Variants in ALK observed in about 807,000 individuals in gnomAD.
ALK encodes the protein ALK tyrosine kinase receptor.
ALK carries 74 observed loss-of-function variants against 163.1 expected under a neutral mutation model. The observed-to-expected ratio is 0.45, with a 90% confidence interval of 0.38 to 0.55. The LOEUF (loss-of-function observed/expected upper bound fraction) is 0.55. ALK is among the 20% of genes least tolerant of loss of function. The pLI is 0.00. For synonymous variants in ALK, 960 were observed against 843.2 expected, an observed-to-expected ratio of 1.14 and a Z score of -2.40; for missense variants, 2,063 against 2,105.3, an observed-to-expected ratio of 0.98 and a Z score of 0.39.
intron 1 of ALK, among the ~76,000 whole-genome samples, chr2:29,755,962 G>A (rs1489360679): frequency 1.3e-5 from 2 of 152,172 alleles, no homozygotes; most frequent in Non-Finnish European, 2.9e-5. Context: ...TACATGCAAG[G>A]AGGCTGCCGT....
At chr2:29,480,575 G>A (rs1406466652) in intron 4 of ALK, among the ~76,000 whole-genome samples, 1 of 151,822 alleles carries the variant, frequency 6.6e-6, no homozygotes, top group East Asian at 1.9e-4. Flanking sequence ...GCTTTTTATT[G>A]CCCCGTTGCC....
chr2:29,725,050 C>A (rs946332376), intron 1 of ALK, among the ~76,000 whole-genome samples: 1 of 151,114 alleles, frequency 6.6e-6, no homozygotes, highest in African/African-American at 2.4e-5. Context: ...CCAATGAAAG[C>A]ATGTACCCCT....
At chr2:29,646,941 T>G (rs781209408) in intron 3 of ALK, among the ~76,000 whole-genome samples, 7 of 152,194 alleles carry the variant, frequency 4.6e-5, no homozygotes, top group African/African-American at 1.7e-4. Context: ...TTGATGTTGA[T>G]TGGGTTCACT....
chr2:29,593,267 AAAAG>A (rs1241932480), intron 3 of ALK, among the ~76,000 whole-genome samples: 2 of 152,216 alleles, frequency 1.3e-5, no homozygotes, highest in African/African-American at 2.4e-5. Context: ...AGGAGGTCAG[AAAAG>A]TCCCAGAAGA....
rs79483873 is a variant in ALK at position 29,732,962 on chromosome 2, A to G, written c.668-15265T>C. Among the ~76,000 whole-genome samples, 1,410 of 151,772 alleles carry G rather than the reference A, an allele frequency of 9.3e-3. 29 individuals are homozygous for G. Among genetic ancestry groups the G allele is most frequent in the African/African-American group, 0.031 (1,281 of 41,344 alleles). ...GAGACCCCAAAGATAAAGACTTTTG[A>G]GTTTCTGACCTTCATGAATTGATAT... On this transcript the variant is annotated intron_variant, in intron 1 of 28. Transcript: ENST00000389048.
chr2:29,197,725 A>G (rs1038525195), intron 26 of ALK, 49 bp from the exon 27 acceptor site: 2 of 1,418,908 alleles, frequency 1.4e-6, no homozygotes, highest in Non-Finnish European at 2.0e-6. Flanking sequence ...ACACCCACCC[A>G]CATTCACACA....
At chr2:29,428,471 G>C (rs1364708638) in intron 4 of ALK, among the ~76,000 whole-genome samples, 1 of 151,624 alleles carries the variant, frequency 6.6e-6, no homozygotes, top group Non-Finnish European at 1.5e-5. Flanking sequence ...GATTATAAAG[G>C]AATACTGTTT....
At chr2:29,552,352 G>A (rs1673734540) in intron 3 of ALK, among the ~76,000 whole-genome samples, 1 of 152,004 alleles carries the variant, frequency 6.6e-6, no homozygotes, top group Non-Finnish European at 1.5e-5. Context: ...TGAATTTTTG[G>A]GGGTGTATAT....
chr2:29,441,425 G>A (rs78225698), intron 4 of ALK, among the ~76,000 whole-genome samples: 1 of 152,324 alleles, frequency 6.6e-6, no homozygotes, highest in African/African-American at 2.4e-5. Context: ...GTAGGAATGG[G>A]GCAGGCATGC....
chr2:29,846,094 G>A (rs182648440), intron 1 of ALK, among the ~76,000 whole-genome samples: 14 of 152,300 alleles, frequency 9.2e-5, no homozygotes, highest in African/African-American at 2.9e-4. Flanking sequence ...GTGATGTTCT[G>A]TGATCAGCAG....
rs1392802117 is a variant in ALK, at chr2:29,514,039, T to C, written c.1154+17876A>G. Among the ~76,000 whole-genome samples, 2 of 101,680 alleles carry C rather than the reference T, an allele frequency of 2.0e-5. 1 individual carries two copies. The highest frequency in any genetic ancestry group is 7.3e-4 in the East Asian group (2 of 2,744). 66.7% of individuals were successfully genotyped at this position (101,680 alleles called of 152,430 possible). On this transcript the variant is annotated intron_variant, in intron 4 of 28. Coordinates refer to ENST00000389048, the MANE Select transcript of ALK (RefSeq NM_004304.5). Reference sequence around the variant, plus strand: ...GGATGTGGAGAAACAGGAACACTTTTACACTGTTGGTGAGACTGTAAACTA... The same window carrying C: ...GGATGTGGAGAAACAGGAACACTTTCACACTGTTGGTGAGACTGTAAACTA...
At chr2:29,805,218 G>A (rs1490016987) in intron 1 of ALK, among the ~76,000 whole-genome samples, 1 of 152,158 alleles carries the variant, frequency 6.6e-6, no homozygotes, top group African/African-American at 2.4e-5. Flanking sequence ...TAACAGACAA[G>A]GAGTCCTTAC....
At chr2:29,307,275 G>A (rs1666551851) in intron 8 of ALK, among the ~76,000 whole-genome samples, 1 of 152,186 alleles carries the variant, frequency 6.6e-6, no homozygotes, top group Non-Finnish European at 1.5e-5. Flanking sequence ...CCTAAATGTA[G>A]GAAATGTTCT....
intron 1 of ALK, among the ~76,000 whole-genome samples, chr2:29,785,531 G>T (rs762452829): frequency 1.3e-5 from 2 of 152,152 alleles, no homozygotes; most frequent in Non-Finnish European, 2.9e-5. Context: ...ATTTACAAAA[G>T]TTCCATTTGT....
At chr2:29,565,378 C>T (rs1335266918) in intron 3 of ALK, among the ~76,000 whole-genome samples, 1 of 152,138 alleles carries the variant, frequency 6.6e-6, no homozygotes, top group Non-Finnish European at 1.5e-5. Context: ...ACATATACAT[C>T]CCAAGACCCT....
At chr2:29,417,444 T>C (rs1445964717) in intron 4 of ALK, among the ~76,000 whole-genome samples, 1 of 152,140 alleles carries the variant, frequency 6.6e-6, no homozygotes, top group Non-Finnish European at 1.5e-5. Flanking sequence ...CTGTAGAAGC[T>C]ACAAAGAACA....
chr2:29,521,348 G>A (rs1169387663), intron 4 of ALK, among the ~76,000 whole-genome samples: 1 of 152,118 alleles, frequency 6.6e-6, no homozygotes, highest in Admixed American at 6.5e-5. Context: ...ACCACCACAA[G>A]ACTTCCCCAC....
chr2:29,586,102 A>C (rs1163291059), intron 3 of ALK, among the ~76,000 whole-genome samples: 2 of 152,086 alleles, frequency 1.3e-5, no homozygotes, highest in Non-Finnish European at 2.9e-5. Flanking sequence ...TGTAGTAGAG[A>C]ATGGTTTGTT....
intron 1 of ALK, among the ~76,000 whole-genome samples, chr2:29,830,097 A>G (rs371814621): frequency 5.6e-4 from 85 of 152,320 alleles, no homozygotes; most frequent in African/African-American, 2.0e-3. Flanking sequence ...CTTGCTGAAG[A>G]CAGAGTGTTT....
Sources: allele counts gnomAD v4.1 joint callset (sites outside exome capture counted in the v4.1 genomes callset), GRCh38; gene constraint gnomAD v4.1.1; transcripts MANE v1.5; gene names NCBI Gene and HGNC (gene_info 2026-07-23, HGNC 2026-07-21).